DENND2B: variants seen among roughly 807,000 people sequenced by gnomAD.
DENND2B encodes DENN domain-containing protein 2B.
Under a neutral mutation model 116.0 loss-of-function variants are expected in DENND2B, and 32 were observed. The ratio of observed to expected loss-of-function variants is 0.28; its 90% CI spans 0.21 to 0.37. The LOEUF (loss-of-function observed/expected upper bound fraction) is 0.37, where lower values mean the gene tolerates loss of function less well. Among genes scored for constraint, DENND2B ranks in the 10% least tolerant of loss-of-function variants. The pLI, the probability that DENND2B is intolerant of heterozygous loss-of-function variation, is 1.00. For synonymous variants in DENND2B, 588 were observed against 583.9 expected (o/e 1.01, Z -0.10); for missense variants, 1,276 against 1,477.7 (o/e 0.86, Z 2.24).
At chr11:8,719,733 G>A (rs1257582541) in intron 4 of DENND2B, among the ~76,000 whole-genome samples, 1 of 152,166 alleles carries the variant, frequency 6.6e-6, no homozygotes, top group Non-Finnish European at 1.5e-5. Flanking sequence ...AACTAAGAAG[G>A]GAGAATGCCA....
intron 2 of DENND2B, among the ~76,000 whole-genome samples, chr11:8,870,149 A>G (rs2063726471): frequency 2.6e-5 from 4 of 152,220 alleles, no homozygotes; most frequent in Admixed American, 2.6e-4. Context: ...GGTTGGTAAT[A>G]AAAGCAAGAG....
chr11:8,873,734 C>G (rs985458090), upstream of DENND2B, among the ~76,000 whole-genome samples: 1 of 152,104 alleles, frequency 6.6e-6, no homozygotes, highest in Non-Finnish European at 1.5e-5. Context: ...AGCACAGTGC[C>G]CAGCATGAAA....
At chr11:8,885,577 A>G (rs1175172848) in intron 1 of DENND2B, among the ~76,000 whole-genome samples, 9 of 152,256 alleles carry the variant, frequency 5.9e-5, no homozygotes, top group African/African-American at 2.2e-4. Context: ...CAATAAAGCT[A>G]TAATACATTC....
intron 2 of DENND2B, among the ~76,000 whole-genome samples, chr11:8,749,481 A>G (rs1399158641): frequency 1.3e-5 from 2 of 152,242 alleles, no homozygotes; most frequent in African/African-American, 2.4e-5. Context: ...CCTGTTTGGC[A>G]TAGTCCATCC....
rs1385305716 is a variant in DENND2B at position 8,707,029 on chromosome 11, G to C, written c.2571+56C>G. 1.9e-6 allele frequency: 3 copies of C among 1,572,674 alleles called. No individual in the cohort carries two copies. The African/African-American group carries it at 4.0e-5, about 21-fold the overall frequency. On this transcript the variant is annotated intron_variant, in intron 13 of 19. Transcript: ENST00000313726. This position sits in a 1 kb window ranked among gnomAD's most constrained non-coding sequence, Gnocchi z 4.8. ...CAAAGACTACGACCTTGGCCAGCATGGTCCTCCTGCCACCCCAGCCCGTAG... is the reference window on the plus strand; with the variant it reads ...CAAAGACTACGACCTTGGCCAGCATCGTCCTCCTGCCACCCCAGCCCGTAG...
At chr11:8,746,506 A>C (rs1177082087) in intron 2 of DENND2B, among the ~76,000 whole-genome samples, 1 of 152,350 alleles carries the variant, frequency 6.6e-6, no homozygotes, top group South Asian at 2.1e-4. Context: ...AATAAGACCC[A>C]CACAAATATC....
chr11:8,708,663 T>A (rs1592491995), intron 11 of DENND2B, among the ~76,000 whole-genome samples: 1 of 152,206 alleles, frequency 6.6e-6, no homozygotes, highest in East Asian at 1.9e-4. Context: ...ACTTAAAAGG[T>A]AGGCATGGCC....
intron 1 of DENND2B, among the ~76,000 whole-genome samples, chr11:8,892,096 A>C (rs2064041464): frequency 6.6e-6 from 1 of 152,154 alleles, no homozygotes; most frequent in African/African-American, 2.4e-5. Flanking sequence ...CTCACTCAAA[A>C]CTGTTCAACT....
intron 2 of DENND2B, among the ~76,000 whole-genome samples, chr11:8,749,305 C>T (rs1365818431): frequency 6.6e-6 from 1 of 152,216 alleles, no homozygotes; most frequent in African/African-American, 2.4e-5. Flanking sequence ...CCACTCCCAG[C>T]CTCACTCAGT....
At chr11:8,897,607 G>C (rs1409859995) in intron 1 of DENND2B, among the ~76,000 whole-genome samples, 1 of 152,164 alleles carries the variant, frequency 6.6e-6, no homozygotes, top group Non-Finnish European at 1.5e-5. Context: ...GGCAGATCTA[G>C]GGAAAAAGAC....
chr11:8,759,389 G>A (rs1422036485), intron 1 of DENND2B, among the ~76,000 whole-genome samples: 1 of 152,204 alleles, frequency 6.6e-6, no homozygotes, highest in African/African-American at 2.4e-5. Flanking sequence ...TTCTGCTGAG[G>A]TTAATGTCAC....
chr11:8,729,455 G>C (rs1241978609), intron 3 of DENND2B, among the ~76,000 whole-genome samples: 2 of 152,182 alleles, frequency 1.3e-5, no homozygotes, highest in Non-Finnish European at 2.9e-5. Flanking sequence ...ATGGCCAGGA[G>C]GCCTTCAGGA....
intron 1 of DENND2B, among the ~76,000 whole-genome samples, chr11:8,805,341 A>G (rs1269668338): frequency 1.3e-5 from 2 of 152,244 alleles, no homozygotes; most frequent in Non-Finnish European, 2.9e-5. Context: ...AAAACCATCT[A>G]CAATACTCAG....
At position 8,694,440 on chromosome 11, in the gene DENND2B, A is replaced by T. The variant is rs186913381; in HGVS notation, c.3380-310T>A. 55 of 452,076 alleles carry T rather than the reference A, an allele frequency of 1.2e-4. No individual in the cohort carries two copies. The East Asian group carries it at 2.7e-3, about 22-fold the overall frequency. The allele number at this position is 452,076 out of a possible 1,614,324, so 28.0% of individuals were successfully genotyped here. A position where few individuals can be genotyped will look rare whatever the true frequency, so the allele number is the denominator to read the frequency against. On this transcript the variant is annotated intron_variant, in intron 19 of 19. Coordinates refer to ENST00000313726, the MANE Select transcript of DENND2B (RefSeq NM_213618.2). Reference sequence around the variant, plus strand: ...TGCAGGGAGGGGTGCATTTTGCAGGAAGGGCACTCGCACTGCTGTGTCTGC... The same window carrying T: ...TGCAGGGAGGGGTGCATTTTGCAGGTAGGGCACTCGCACTGCTGTGTCTGC...
chr11:8,822,398 T>C (rs1311016797), intron 4 of DENND2B, among the ~76,000 whole-genome samples: 1 of 152,220 alleles, frequency 6.6e-6, no homozygotes, highest in African/African-American at 2.4e-5. Flanking sequence ...AAATTTCAAG[T>C]AAACAATACA....
At chr11:8,773,100 G>A (rs917013916) in intron 1 of DENND2B, among the ~76,000 whole-genome samples, 5 of 152,084 alleles carry the variant, frequency 3.3e-5, no homozygotes, top group African/African-American at 9.7e-5. Flanking sequence ...CATTGAAAAA[G>A]CACATCCAGC....
chr11:8,696,349 C>T (rs2040355008), intron 18 of DENND2B, 78 bp downstream of exon 18: 5 of 1,570,816 alleles, frequency 3.2e-6, no homozygotes, highest in Non-Finnish European at 4.3e-6. Context: ...TGTCCAAGAG[C>T]TTCCATCATA....
At chr11:8,880,345 C>CTGTGTGTGTGTGTG (rs56051922) in intron 2 of DENND2B, among the ~76,000 whole-genome samples, 3,258 of 120,392 alleles carry the variant, frequency 0.027, 48 homozygotes, top group Middle Eastern at 0.032. Context: ...TCACTTTGAA[C>CTGTGTGTGTGTGTG]TGTGTGTGTG....
At chr11:8,711,360 C>A in intron 9 of DENND2B, 129 bp from the exon 10 acceptor site, 1 of 716,584 alleles carries the variant, frequency 1.4e-6, no homozygotes, top group Non-Finnish European at 2.4e-6. Flanking sequence ...AACCCTTGTC[C>A]CACTCCGAAT....
Sources: gnomAD v4.1 joint callset for allele counts (sites outside exome capture counted in the v4.1 genomes callset) on GRCh38, gnomAD v4.1.1 for gene constraint, Gnocchi (gnomAD v3.1) non-coding constraint, MANE v1.5 for transcripts, NCBI Gene and HGNC (gene_info 2026-07-23, HGNC 2026-07-21) for gene names.